Variants in EYS observed in about 807,000 individuals in gnomAD.
The protein encoded by EYS is protein eyes shut homolog.
In EYS, 250 loss-of-function variants were observed where a neutral mutation model predicts 282.1. The observed-to-expected ratio is 0.89, with a 90% CI of 0.80 to 0.98. EYS has a LOEUF of 0.98. Among genes scored for constraint, EYS ranks in the 50% least tolerant of loss-of-function variants. The pLI, the probability that EYS is intolerant of heterozygous loss-of-function variation, is 0.00. For missense variants in EYS, 4,016 were observed against 3,709.0 expected, an observed-to-expected ratio of 1.08 and a Z score of -2.15; for synonymous variants, 1,355 against 1,282.9, an observed-to-expected ratio of 1.06 and a Z score of -1.20.
chr6:63,832,356 T>C (rs977786801), intron 36 of EYS, among the ~76,000 whole-genome samples: 1 of 151,864 alleles, frequency 6.6e-6, no homozygotes, highest in Non-Finnish European at 1.5e-5. Context: ...AAGAATCAAA[T>C]AGACACAATA....
chr6:65,019,738 G>A (rs1302740798), intron 13 of EYS, among the ~76,000 whole-genome samples: 5 of 152,094 alleles, frequency 3.3e-5, no homozygotes, highest in Admixed American at 3.3e-4. Context: ...CCAACTCTTA[G>A]TAATTGTATT....
chr6:65,515,326 C>A (rs372285334), intron 2 of EYS, among the ~76,000 whole-genome samples: 1 of 152,112 alleles, frequency 6.6e-6, no homozygotes, highest in South Asian at 2.1e-4. Flanking sequence ...AATAGGAACA[C>A]TTTTACACTG....
At chr6:63,909,912 G>A (rs16879841) in intron 35 of EYS, among the ~76,000 whole-genome samples, 44,859 of 151,954 alleles carry the variant, frequency 0.3, 6,755 homozygotes, top group Admixed American at 0.37. Flanking sequence ...TCAATGTTGT[G>A]TATTGATTTG....
At chr6:63,738,838 T>A (rs1234882474) in intron 41 of EYS, among the ~76,000 whole-genome samples, 1 of 152,220 alleles carries the variant, frequency 6.6e-6, no homozygotes, top group Non-Finnish European at 1.5e-5. Flanking sequence ...TCAAAAATTA[T>A]ATCCATATCC....
chr6:63,936,825 G>A (rs1223691019), intron 35 of EYS, among the ~76,000 whole-genome samples: 1 of 152,114 alleles, frequency 6.6e-6, no homozygotes, highest in Non-Finnish European at 1.5e-5. Flanking sequence ...TGAGATTCAG[G>A]TATCTTTCTG....
chr6:63,781,301 T>G (rs1292815061), intron 39 of EYS, among the ~76,000 whole-genome samples: 5 of 152,212 alleles, frequency 3.3e-5, no homozygotes, highest in Admixed American at 2.6e-4. Flanking sequence ...CATTGGTAGC[T>G]TGATGGGGAT....
Position 63,720,980 on chromosome 6 carries a change from G to T in EYS, c.9051C>A (p.Thr3017=), listed in dbSNP as rs572542912. The change falls in exon 43 of 43, where the codon ACC becomes ACA. Residue 3017 remains threonine, a synonymous_variant. Transcript: ENST00000503581. ...DFLAIGLHNQ[T]LKIAVNLGER... ...CTCCCAAGTTAACTGCTATTTTCAA[G>T]GTCTGATTATGGAGACCAATTGCCA... 6.4e-7 allele frequency: 1 copy of T among 1,551,200 alleles called. No individual in the cohort carries two copies. Among genetic ancestry groups the T allele is most frequent in the African/African-American group, 1.4e-5 (1 of 73,008 alleles).
At chr6:64,926,920 C>G (rs1433924922) in intron 15 of EYS, among the ~76,000 whole-genome samples, 1 of 152,140 alleles carries the variant, frequency 6.6e-6, no homozygotes. Context: ...AAAGACTATA[C>G]AGGCGATATA....
At chr6:65,519,708 A>ATATATTTTT (rs1554205854) in intron 2 of EYS, among the ~76,000 whole-genome samples, 2 of 42,562 alleles carry the variant, frequency 4.7e-5, no homozygotes, top group African/African-American at 1.3e-4. Context: ...ATATATATAT[A>ATATATTTTT]TTTTTTTTTT....
chr6:64,590,467 T>A lies in EYS; in HGVS notation c.5400A>T (p.Pro1800=). The A allele has an allele frequency of 6.4e-7, 1 of 1,551,430 alleles. No individual in the cohort carries two copies. Among genetic ancestry groups the A allele is most frequent in the Non-Finnish European group, 8.7e-7 (1 of 1,146,788 alleles). The change falls in exon 26 of 43, where the codon CCA becomes CCT. Residue 1800 remains proline (P), a synonymous_variant. Transcript: ENST00000503581. ...AGGAAGACGTCTGTATTGAAAGTGC[T>A]GGAGTTGCTGAAACTGTATAAAATG... The part of the protein sequence containing the change: ...NVAFYTVSAT[P]ALSIQTSSSM...
At chr6:64,678,974 C>T (rs1450804419) in intron 22 of EYS, among the ~76,000 whole-genome samples, 3 of 148,174 alleles carry the variant, frequency 2.0e-5, no homozygotes, top group Admixed American at 1.3e-4. Flanking sequence ...GCGATAGAGA[C>T]TCCCTCTCAA....
intron 12 of EYS, among the ~76,000 whole-genome samples, chr6:65,101,211 C>A (rs1281818086): frequency 1.3e-5 from 2 of 150,978 alleles, no homozygotes; most frequent in Non-Finnish European, 3.0e-5. Flanking sequence ...TTCAAGTAAG[C>A]CTTAGTTTGA....
intron 2 of EYS, among the ~76,000 whole-genome samples, chr6:65,628,218 T>C (rs1472995697): frequency 6.6e-6 from 1 of 152,040 alleles, no homozygotes; most frequent in Non-Finnish European, 1.5e-5. Context: ...GGTTTGTGAG[T>C]GCACCAATCG....
chr6:65,406,484 G>A (rs1766745188), intron 5 of EYS, among the ~76,000 whole-genome samples: 1 of 151,690 alleles, frequency 6.6e-6, no homozygotes, highest in African/African-American at 2.4e-5. Context: ...TCATATAATT[G>A]GTGTCTAATA....
chr6:64,829,711 A>G (rs1001933233), intron 19 of EYS, among the ~76,000 whole-genome samples: 9 of 152,118 alleles, frequency 5.9e-5, no homozygotes, highest in South Asian at 2.1e-4. Flanking sequence ...AGAATGCGGT[A>G]TGCACTCTAT....
At chr6:65,698,358 A>G (rs1380356745) in intron 1 of EYS, among the ~76,000 whole-genome samples, 1 of 152,194 alleles carries the variant, frequency 6.6e-6, no homozygotes, top group Non-Finnish European at 1.5e-5. Flanking sequence ...TTCTCTAATA[A>G]AAGTATTTGT....
At chr6:64,957,555 TGTA>T (rs1477766991) in intron 14 of EYS, among the ~76,000 whole-genome samples, 2 of 152,158 alleles carry the variant, frequency 1.3e-5, no homozygotes, top group Admixed American at 1.3e-4. Flanking sequence ...ACAACTTAAT[TGTA>T]CATTTTGAAA....
At chr6:63,845,664 G>A (rs986119223) in intron 36 of EYS, among the ~76,000 whole-genome samples, 2 of 150,638 alleles carry the variant, frequency 1.3e-5, no homozygotes, top group African/African-American at 4.9e-5. Flanking sequence ...TTTGGAAATG[G>A]GTTTTTGTCT....
At chr6:64,123,385 T>G (rs1245010492) in intron 31 of EYS, among the ~76,000 whole-genome samples, 2 of 152,188 alleles carry the variant, frequency 1.3e-5, no homozygotes, top group Non-Finnish European at 2.9e-5. Context: ...ATTTCTTAAA[T>G]TGATTCTTTT....
Sources: allele counts gnomAD v4.1 joint callset (sites outside exome capture counted in the v4.1 genomes callset), GRCh38; gene constraint gnomAD v4.1.1; transcripts MANE v1.5; gene names NCBI Gene and HGNC (gene_info 2026-07-23, HGNC 2026-07-21).